Variants in TTC28 observed in about 807,000 individuals in gnomAD.
TTC28 encodes the protein tetratricopeptide repeat protein 28.
In TTC28, 61 loss-of-function variants were observed where a neutral mutation model predicts 198.0. That is an observed-to-expected ratio of 0.31 (90% CI 0.25 to 0.38). The LOEUF (loss-of-function observed/expected upper bound fraction) is 0.38. Among genes scored for constraint, TTC28 ranks in the 10% least tolerant of loss-of-function variants. The pLI is 1.00. For synonymous variants in TTC28, 1,171 were observed against 1,297.8 expected, an observed-to-expected ratio of 0.90 and a Z score of 2.10; for missense variants, 2,678 against 3,164.0, an observed-to-expected ratio of 0.85 and a Z score of 3.69.
intron 2 of TTC28, among the ~76,000 whole-genome samples, chr22:28,593,457 A>ATAGGTAGGTAGCTAGGTAGG (rs2050473194): frequency 6.9e-6 from 1 of 145,706 alleles, no homozygotes; most frequent in African/African-American, 2.5e-5. Flanking sequence ...AGATAGGTAG[A>ATAGGTAGGTAGCTAGGTAGG]TAGGTAGGTA....
intron 2 of TTC28, among the ~76,000 whole-genome samples, chr22:28,382,754 A>G (rs540989123): frequency 6.6e-6 from 1 of 152,348 alleles, no homozygotes; most frequent in African/African-American, 2.4e-5. Context: ...GCAAAACAAA[A>G]GTAGAACCAG....
chr22:28,299,987 G>A (rs377253759), intron 3 of TTC28, among the ~76,000 whole-genome samples: 13 of 152,096 alleles, frequency 8.5e-5, no homozygotes, highest in African/African-American at 3.1e-4. Flanking sequence ...TACCACAAAC[G>A]CTGCCTGGTG....
intron 1 of TTC28, among the ~76,000 whole-genome samples, chr22:28,658,561 G>A (rs2145690518): frequency 6.6e-6 from 1 of 152,310 alleles, no homozygotes; most frequent in South Asian, 2.1e-4. Flanking sequence ...ATTGTTTAGT[G>A]GATAGAGTTT....
At chr22:28,389,987 T>C (rs1466955926) in intron 2 of TTC28, among the ~76,000 whole-genome samples, 1 of 150,968 alleles carries the variant, frequency 6.6e-6, no homozygotes, top group African/African-American at 2.4e-5. Context: ...TTTAGTGCTA[T>C]AAATTTCCCT....
intron 1 of TTC28, among the ~76,000 whole-genome samples, chr22:28,670,572 T>C (rs1260074637): frequency 6.6e-6 from 1 of 152,038 alleles, no homozygotes; most frequent in African/African-American, 2.4e-5. Context: ...GAAAAAAATA[T>C]TTTGTTTATC....
intron 2 of TTC28, among the ~76,000 whole-genome samples, chr22:28,364,115 A>G (rs2046205904): frequency 6.6e-6 from 1 of 152,156 alleles, no homozygotes; most frequent in Non-Finnish European, 1.5e-5. Flanking sequence ...TTTCCACCCA[A>G]ATCTCATCTT....
chr22:28,622,103 G>GT (rs1569065773), intron 2 of TTC28, among the ~76,000 whole-genome samples: 1 of 152,180 alleles, frequency 6.6e-6, no homozygotes, highest in Non-Finnish European at 1.5e-5. Context: ...AAGCTGTAAA[G>GT]TGAGTCCCCA....
chr22:28,134,458 GA>G (rs1253399037), intron 6 of TTC28, among the ~76,000 whole-genome samples: 1 of 152,060 alleles, frequency 6.6e-6, no homozygotes, highest in Non-Finnish European at 1.5e-5. Context: ...CTAAAAAGTT[GA>G]AAAAAGATTA....
intron 2 of TTC28, among the ~76,000 whole-genome samples, chr22:28,461,495 G>T (rs992626337): frequency 2.0e-5 from 3 of 151,918 alleles, no homozygotes; most frequent in Non-Finnish European, 4.4e-5. Flanking sequence ...GGAGTATAGT[G>T]GTGTGATCTT....
intron 2 of TTC28, among the ~76,000 whole-genome samples, chr22:28,370,423 A>G (rs533318542): frequency 6.6e-6 from 1 of 152,236 alleles, no homozygotes; most frequent in Non-Finnish European, 1.5e-5. Flanking sequence ...CCTCAGTTAA[A>G]CCTCGAATTC....
intron 21 of TTC28, chr22:27,985,862 A>ATC (rs1467266270): frequency 6.4e-6 from 1 of 155,042 alleles, no homozygotes. Context: ...ATCGCTGACA[A>ATC]TGGGGGATCT....
At chr22:27,987,959 T>A (rs1424544470) in intron 21 of TTC28, among the ~76,000 whole-genome samples, 5 of 152,134 alleles carry the variant, frequency 3.3e-5, no homozygotes, top group African/African-American at 1.2e-4. Flanking sequence ...CACACCTGAA[T>A]CCCAGCACTT....
intron 1 of TTC28, among the ~76,000 whole-genome samples, chr22:28,650,490 C>T (rs2051547769): frequency 6.6e-6 from 1 of 152,074 alleles, no homozygotes; most frequent in South Asian, 2.1e-4. Flanking sequence ...TTCTGACAGC[C>T]TCAAAGTGCA....
At chr22:28,543,163 C>T (rs1422906492) in intron 2 of TTC28, among the ~76,000 whole-genome samples, 1 of 152,040 alleles carries the variant, frequency 6.6e-6, no homozygotes, top group Admixed American at 6.6e-5. Flanking sequence ...AGCAAGACCC[C>T]ATCTCTACAA....
intron 2 of TTC28, among the ~76,000 whole-genome samples, chr22:28,423,377 G>A (rs776739969): frequency 4.6e-5 from 7 of 152,042 alleles, no homozygotes; most frequent in Non-Finnish European, 8.8e-5. Context: ...GCGACAGAGC[G>A]AGACTCCGTA....
intron 2 of TTC28, among the ~76,000 whole-genome samples, chr22:28,369,014 C>T (rs900241291): frequency 2.0e-4 from 31 of 152,038 alleles, no homozygotes; most frequent in Admixed American, 1.1e-3. Context: ...ATACCAATGG[C>T]ATTCTTCACA....
chr22:28,131,829 C>T (rs752935732), intron 6 of TTC28, among the ~76,000 whole-genome samples: 4 of 152,180 alleles, frequency 2.6e-5, no homozygotes, highest in Non-Finnish European at 4.4e-5. Context: ...GAATCAGGCT[C>T]AACAAATGGC....
At chr22:28,401,251 A>T (rs1410390283) in intron 2 of TTC28, among the ~76,000 whole-genome samples, 1 of 152,048 alleles carries the variant, frequency 6.6e-6, no homozygotes, top group Non-Finnish European at 1.5e-5. Context: ...CGACGACGAC[A>T]ACTACTAACT....
intron 16 of TTC28, chr22:27,998,241 G>A: frequency 2.0e-6 from 1 of 488,846 alleles, no homozygotes. Context: ...TACAGTCATG[G>A]GTTAAATGAG....
Sources: gnomAD v4.1 joint callset for allele counts (sites outside exome capture counted in the v4.1 genomes callset) on GRCh38, gnomAD v4.1.1 for gene constraint, MANE v1.5 for transcripts, NCBI Gene and HGNC (gene_info 2026-07-23, HGNC 2026-07-21) for gene names.